CHLSN: variants seen among roughly 807,000 people sequenced by gnomAD.
CHLSN encodes the protein protein cholesin.
chr7:1,028,527 C>T, the CHLSN span: 12 of 985,180 alleles, frequency 1.2e-5, no homozygotes, highest in Non-Finnish European at 1.4e-5. Context: ...GCAGCCCCCA[C>T]TGCTCCTCCG....
chr7:1,116,086 C>T, the CHLSN span, among the ~76,000 whole-genome samples: 5 of 115,956 alleles, frequency 4.3e-5, no homozygotes, highest in East Asian at 1.3e-3. Context: ...ATGATGACAT[C>T]ACTACAGCTC....
the CHLSN span, among the ~76,000 whole-genome samples, chr7:1,064,508 C>G: frequency 6.6e-6 from 1 of 152,140 alleles, no homozygotes; most frequent in Non-Finnish European, 1.5e-5. Context: ...CCTGAGCTTC[C>G]CACAGCGCCT....
At chr7:986,972 T>C in the CHLSN span, 1 of 1,351,192 alleles carries the variant, frequency 7.4e-7, no homozygotes, top group Non-Finnish European at 9.7e-7. Flanking sequence ...CCATAGTGCC[T>C]GCCTCGGGGA....
At chr7:1,043,118 C>T in the CHLSN span, among the ~76,000 whole-genome samples, 1 of 151,246 alleles carries the variant, frequency 6.6e-6, no homozygotes, top group South Asian at 2.1e-4. Flanking sequence ...ATTAGCTGGG[C>T]ATGGTGGCAC....
At chr7:1,064,596 C>G in the CHLSN span, among the ~76,000 whole-genome samples, 3 of 152,234 alleles carry the variant, frequency 2.0e-5, no homozygotes, top group African/African-American at 7.2e-5. Flanking sequence ...AAGCTCAAAG[C>G]TCAAGTGTCA....
At chr7:1,127,406 T>C in the CHLSN span, 21 of 1,593,370 alleles carry the variant, frequency 1.3e-5, no homozygotes, top group African/African-American at 8.1e-5. Context: ...AGAAAGTAAA[T>C]TGCTGAAGAC....
chr7:1,030,815 C>G, the CHLSN span, among the ~76,000 whole-genome samples: 1 of 152,118 alleles, frequency 6.6e-6, no homozygotes, highest in African/African-American at 2.4e-5. Context: ...AGGTGGGGCT[C>G]TCTCTGGGCA....
chr7:1,008,476 C>T, the CHLSN span, among the ~76,000 whole-genome samples: 25,310 of 152,190 alleles, frequency 0.17, 3,112 homozygotes, highest in African/African-American at 0.35. Context: ...CTCAGCCCCA[C>T]GTTCCTCAGG....
At chr7:1,023,651 AC>A in the CHLSN span, among the ~76,000 whole-genome samples, 1 of 148,966 alleles carries the variant, frequency 6.7e-6, no homozygotes, top group Non-Finnish European at 1.5e-5. This position sits in a 1 kb window ranked among gnomAD's most constrained non-coding sequence, Gnocchi z 5.0. Flanking sequence ...ACACACACAC[AC>A]ACACACACAC....
chr7:1,099,787 C>T, the CHLSN span, among the ~76,000 whole-genome samples: 4 of 152,308 alleles, frequency 2.6e-5, no homozygotes, highest in East Asian at 3.9e-4. Flanking sequence ...GCTGTTGTCT[C>T]GTTTGCTGTG....
the CHLSN span, among the ~76,000 whole-genome samples, chr7:1,112,344 C>T: frequency 2.1e-4 from 32 of 152,320 alleles, no homozygotes; most frequent in Admixed American, 7.2e-4. Flanking sequence ...AGAGGCCGGC[C>T]GGGAGCCCAG....
At chr7:1,004,222 A>C in the CHLSN span, among the ~76,000 whole-genome samples, 1 of 152,032 alleles carries the variant, frequency 6.6e-6, no homozygotes. Context: ...TGTGAGGTGC[A>C]CCCGGGCCAG....
At chr7:1,000,681 A>T in the CHLSN span, 1 of 703,814 alleles carries the variant, frequency 1.4e-6, no homozygotes, top group Non-Finnish European at 2.4e-6. Flanking sequence ...CCAAGGCCTC[A>T]TGTGAAGAGG....
At chr7:993,239 G>A in the CHLSN span, among the ~76,000 whole-genome samples, 1 of 152,212 alleles carries the variant, frequency 6.6e-6, no homozygotes, top group East Asian at 1.9e-4. Flanking sequence ...CGTGGAGAGA[G>A]CGCCCGTTCC....
At chr7:1,075,714 G>A in the CHLSN span, among the ~76,000 whole-genome samples, 4 of 149,772 alleles carry the variant, frequency 2.7e-5, no homozygotes, top group African/African-American at 4.9e-5. Flanking sequence ...CTGGGTTCAC[G>A]CCATTGTCCG....
chr7:1,019,606 T>C, the CHLSN span, among the ~76,000 whole-genome samples: 2 of 152,144 alleles, frequency 1.3e-5, no homozygotes, highest in East Asian at 1.9e-4. Context: ...GGCTGCCCTG[T>C]GGGCAGAGGG....
the CHLSN span, chr7:1,138,211 C>A: frequency 1.8e-5 from 1 of 55,520 alleles, no homozygotes; most frequent in African/African-American, 1.4e-4. Context: ...GCGCCCACGT[C>A]GCCCACCTAA....
At chr7:1,076,532 G>A in the CHLSN span, among the ~76,000 whole-genome samples, 1 of 152,360 alleles carries the variant, frequency 6.6e-6, no homozygotes, top group Admixed American at 6.5e-5. Flanking sequence ...CGTGTAAAGA[G>A]GCCCGAGAGG....
At chr7:1,095,552 G>T in the CHLSN span, among the ~76,000 whole-genome samples, 2 of 152,236 alleles carry the variant, frequency 1.3e-5, no homozygotes, top group Non-Finnish European at 2.9e-5. Context: ...GGCAAGGGCA[G>T]ACGCTTTAAA....
Sources: gnomAD v4.1 joint callset for allele counts (sites outside exome capture counted in the v4.1 genomes callset) on GRCh38, gnomAD v4.1.1 for gene constraint, Gnocchi (gnomAD v3.1) non-coding constraint, MANE v1.5 for transcripts, NCBI Gene and HGNC (gene_info 2026-07-23, HGNC 2026-07-21) for gene names.